The following BZW2 variants were observed in gnomAD, a reference collection of about 807,000 sequenced individuals.
BZW2 encodes the protein basic leucine zipper and W2 domains 2.
In BZW2, 23 loss-of-function variants were observed where a neutral mutation model predicts 53.2. The ratio of observed to expected loss-of-function variants is 0.43; its 90% confidence interval spans 0.31 to 0.61. The LOEUF (loss-of-function observed/expected upper bound fraction) is 0.61, where lower values mean the gene tolerates loss of function less well. Ranked by LOEUF, BZW2 falls within the 20% of genes least tolerant of loss-of-function variation. The pLI, the probability that BZW2 is intolerant of heterozygous loss-of-function variation, is 0.09. For missense variants in BZW2, 409 were observed against 503.1 expected (o/e 0.81, Z 1.79); for synonymous variants, 227 against 186.4 (o/e 1.22, Z -1.77).
chr7:16,659,858 T>TA (rs1782207229), intron 1 of BZW2, among the ~76,000 whole-genome samples: 1 of 151,740 alleles, frequency 6.6e-6, no homozygotes, highest in African/African-American at 2.4e-5. Context: ...TTTTATTTTT[T>TA]TTTTTATTAT....
chr7:16,673,162 G>C (rs1782659291), intron 2 of BZW2, among the ~76,000 whole-genome samples: 1 of 152,166 alleles, frequency 6.6e-6, no homozygotes, highest in East Asian at 1.9e-4. Flanking sequence ...TAGCCAGGAT[G>C]GTCTCAATCT....
intron 1 of BZW2, among the ~76,000 whole-genome samples, chr7:16,654,540 T>C (rs1170898291): frequency 1.5e-5 from 2 of 136,660 alleles, no homozygotes; most frequent in African/African-American, 2.6e-5. Context: ...ACGGATGATA[T>C]TTATTTATTT....
intron 5 of BZW2, among the ~76,000 whole-genome samples, chr7:16,685,367 A>T (rs818496): frequency 0.022 from 3,364 of 152,060 alleles, 52 homozygotes; most frequent in African/African-American, 0.047. Context: ...GTGAGCTCAG[A>T]AAAGTATATA....
At chr7:16,655,186 G>A (rs890655008) in intron 1 of BZW2, among the ~76,000 whole-genome samples, 2 of 152,086 alleles carry the variant, frequency 1.3e-5, no homozygotes, top group Non-Finnish European at 2.9e-5. Context: ...TCTCATCATT[G>A]AGTATAGTCA....
intron 1 of BZW2, among the ~76,000 whole-genome samples, chr7:16,655,714 C>T (rs948907270): frequency 1.3e-5 from 2 of 152,102 alleles, no homozygotes; most frequent in African/African-American, 2.4e-5. Flanking sequence ...CTATTCTACT[C>T]TCTACTTCTG....
intron 5 of BZW2, among the ~76,000 whole-genome samples, 194 bp downstream of exon 5, chr7:16,683,039 C>T (rs540114555): frequency 1.3e-4 from 20 of 151,704 alleles, no homozygotes; most frequent in African/African-American, 3.9e-4. Flanking sequence ...CTACTAAAAA[C>T]ACAAAAATTA....
intron 1 of BZW2, among the ~76,000 whole-genome samples, chr7:16,649,063 G>A (rs905808024): frequency 2.2e-4 from 34 of 151,954 alleles, no homozygotes; most frequent in African/African-American, 8.2e-4. Flanking sequence ...CTCTTCTTAT[G>A]GATTCTAGCG....
At chr7:16,681,072 A>T (rs1027063339) in intron 3 of BZW2, among the ~76,000 whole-genome samples, 2 of 152,152 alleles carry the variant, frequency 1.3e-5, no homozygotes, top group Non-Finnish European at 2.9e-5. Context: ...CCATTGCACA[A>T]TTGTCACAGC....
chr7:16,691,737 A>G (rs907228022), intron 7 of BZW2, among the ~76,000 whole-genome samples: 14 of 152,234 alleles, frequency 9.2e-5, no homozygotes, highest in African/African-American at 2.7e-4. Flanking sequence ...CAAAGATACA[A>G]TCTATCCGGT....
At chr7:16,685,870 C>A (rs200346463) in intron 5 of BZW2, 35 bp from the exon 6 acceptor site, 3 of 1,426,538 alleles carry the variant, frequency 2.1e-6, no homozygotes, top group Non-Finnish European at 2.8e-6. Flanking sequence ...TTTTCTTTTT[C>A]TTTTTCTTTT....
chr7:16,682,881 G>T (rs1782993867), intron 5 of BZW2, 36 bp downstream of exon 5: 2 of 1,413,004 alleles, frequency 1.4e-6, no homozygotes, highest in African/African-American at 2.9e-5. Flanking sequence ...CTGTTTTATA[G>T]TAATGACATG....
At chr7:16,696,436 A>G (rs17626846) in intron 8 of BZW2, among the ~76,000 whole-genome samples, 4 of 152,168 alleles carry the variant, frequency 2.6e-5, no homozygotes, top group Non-Finnish European at 5.9e-5. Flanking sequence ...TTTCACTGAG[A>G]TGGGGCATAA....
Position 16,689,883 on chromosome 7 carries a change from G to T in BZW2, c.628G>T (p.Ala210Ser). The T allele has an allele frequency of 6.2e-7, 1 of 1,611,212 alleles. No individual in the cohort carries two copies. Among genetic ancestry groups the T allele is most frequent in the Non-Finnish European group, 8.5e-7 (1 of 1,178,642 alleles). ...CTCTGTTACCTCGTCTTTGAGAAAA[G>T]CCAACTTAGACAAGAGGCTGCTTGT... is the stretch of plus-strand genomic sequence containing the variant. Reference protein sequence around the residue: ...ANSVTSSLRKANLDKRLLELF... With the variant: ...ANSVTSSLRKSNLDKRLLELF... The change falls in exon 7 of 12, where the codon GCC becomes TCC. Residue 210 changes from alanine to serine, a missense_variant. Around this residue, in one of 3 missense-constraint regions of BZW2, gnomAD observed 316 missense variants for 366.8 expected, o/e 0.86. Coordinates refer to ENST00000258761, the MANE Select transcript of BZW2 (RefSeq NM_014038.3).
At chr7:16,649,563 A>G (rs900664997) in intron 1 of BZW2, among the ~76,000 whole-genome samples, 4 of 152,194 alleles carry the variant, frequency 2.6e-5, no homozygotes, top group East Asian at 1.9e-4. Context: ...AGCTCTCTAC[A>G]TTAGGAGAAT....
chr7:16,704,900 G>C (rs533235634), intron 11 of BZW2, among the ~76,000 whole-genome samples: 1 of 152,356 alleles, frequency 6.6e-6, no homozygotes, highest in East Asian at 1.9e-4. Flanking sequence ...TATCCACTCT[G>C]ATGGAGGACA....
At chr7:16,648,212 CAG>C (rs981538988) in intron 1 of BZW2, among the ~76,000 whole-genome samples, 4 of 152,174 alleles carry the variant, frequency 2.6e-5, no homozygotes, top group Admixed American at 2.6e-4. Context: ...CATATTAAAA[CAG>C]ATTCACATCA....
chr7:16,665,998 T>C (rs1782412164), intron 2 of BZW2, among the ~76,000 whole-genome samples: 1 of 152,240 alleles, frequency 6.6e-6, no homozygotes, highest in East Asian at 1.9e-4. Context: ...TAAGAGTAGT[T>C]ATAGACCCAT....
chr7:16,704,736 C>T (rs896014727), intron 11 of BZW2, 67 bp downstream of exon 11: 48 of 1,372,536 alleles, frequency 3.5e-5, no homozygotes, highest in Non-Finnish European at 4.5e-5. Flanking sequence ...AAATATTTAC[C>T]TCTTCCACAG....
intron 1 of BZW2, chr7:16,661,335 G>A (rs1432065525): frequency 1.3e-5 from 2 of 152,060 alleles, no homozygotes; most frequent in South Asian, 2.1e-4. Flanking sequence ...AGTCTACATC[G>A]AAGGTGCTAA....
Sources: allele counts gnomAD v4.1 joint callset (sites outside exome capture counted in the v4.1 genomes callset), GRCh38; gene constraint gnomAD v4.1.1; regional missense constraint gnomAD v4.1.1; transcripts MANE v1.5; gene names NCBI Gene and HGNC (gene_info 2026-07-23, HGNC 2026-07-21).